Variants in SLC24A2 observed in about 807,000 individuals in gnomAD.
The protein encoded by SLC24A2 is solute carrier family 24 member 2, also known as sodium/potassium/calcium exchanger 2.
SLC24A2 carries 36 observed loss-of-function variants against 62.0 expected under a neutral mutation model. The observed-to-expected ratio is 0.58, with a 90% CI of 0.44 to 0.77. The LOEUF (loss-of-function observed/expected upper bound fraction) is 0.77. Ranked by LOEUF, SLC24A2 falls within the 30% of genes least tolerant of loss-of-function variation. The probability of loss-of-function intolerance (pLI) is 0.00; values close to 1 mark genes in which losing one functional copy is unlikely to be tolerated. For missense variants in SLC24A2, 846 were observed against 817.9 expected (o/e 1.03, Z -0.42); for synonymous variants, 358 against 294.0 (o/e 1.22, Z -2.23).
At chr9:20,300,851 T>C in the SLC24A2 span, among the ~76,000 whole-genome samples, 4 of 152,230 alleles carry the variant, frequency 2.6e-5, no homozygotes, top group Non-Finnish European at 5.9e-5. Context: ...ACAGATAATA[T>C]AAAGTGCTGG....
chr9:19,651,149 G>A (rs1366163139), intron 2 of SLC24A2, among the ~76,000 whole-genome samples: 1 of 152,124 alleles, frequency 6.6e-6, no homozygotes, highest in Non-Finnish European at 1.5e-5. Context: ...GTTATCCTAT[G>A]GTATGCAAGA....
chr9:20,292,744 C>A, the SLC24A2 span, among the ~76,000 whole-genome samples: 3 of 152,206 alleles, frequency 2.0e-5, no homozygotes, highest in South Asian at 2.1e-4. Context: ...CATGCACCAC[C>A]AAGCCCAGGT....
chr9:19,546,946 C>T (rs1296497275), intron 8 of SLC24A2, among the ~76,000 whole-genome samples: 1 of 152,134 alleles, frequency 6.6e-6, no homozygotes, highest in Non-Finnish European at 1.5e-5. Flanking sequence ...AGAGAATTTC[C>T]TGACCCCTTG....
the SLC24A2 span, among the ~76,000 whole-genome samples, chr9:20,180,610 G>T: frequency 3.9e-5 from 6 of 152,088 alleles, no homozygotes; most frequent in African/African-American, 1.4e-4. Context: ...ATGGCTGAAT[G>T]ATCACATTTA....
chr9:19,570,140 A>T (rs140477699), intron 7 of SLC24A2, among the ~76,000 whole-genome samples: 3 of 152,320 alleles, frequency 2.0e-5, no homozygotes, highest in African/African-American at 7.2e-5. Flanking sequence ...AAACAATCAA[A>T]ATTTTCTGAT....
the SLC24A2 span, among the ~76,000 whole-genome samples, chr9:20,244,034 G>C: frequency 6.6e-6 from 1 of 152,278 alleles, no homozygotes; most frequent in South Asian, 2.1e-4. Context: ...AAACTGCGCT[G>C]GCTTCAGCAG....
chr9:19,866,557 G>C, the SLC24A2 span, among the ~76,000 whole-genome samples: 2 of 150,964 alleles, frequency 1.3e-5, no homozygotes, highest in African/African-American at 2.4e-5. Context: ...CAACAACATG[G>C]ATGAAAGTGG....
chr9:20,023,841 T>C, the SLC24A2 span, among the ~76,000 whole-genome samples: 2 of 152,128 alleles, frequency 1.3e-5, no homozygotes, highest in East Asian at 1.9e-4. Flanking sequence ...GTTCCAAAAC[T>C]GATGGTTTTA....
chr9:20,255,808 C>G, the SLC24A2 span, among the ~76,000 whole-genome samples: 11 of 152,302 alleles, frequency 7.2e-5, no homozygotes, highest in African/African-American at 2.6e-4. Flanking sequence ...TCAAAGAATT[C>G]ATGGTCATAC....
the SLC24A2 span, among the ~76,000 whole-genome samples, chr9:20,083,101 A>G: frequency 6.6e-6 from 1 of 152,240 alleles, no homozygotes; most frequent in East Asian, 1.9e-4. Context: ...CACATGATTC[A>G]ATGAGGAATT....
At chr9:20,074,638 G>A in the SLC24A2 span, among the ~76,000 whole-genome samples, 2 of 139,830 alleles carry the variant, frequency 1.4e-5, no homozygotes, top group Non-Finnish European at 3.1e-5. Flanking sequence ...AGGGAGGGAC[G>A]GGAAGGGGGT....
the SLC24A2 span, among the ~76,000 whole-genome samples, chr9:19,881,558 C>T: frequency 4.6e-5 from 7 of 152,156 alleles, 1 homozygote; most frequent in Admixed American, 4.6e-4. Context: ...TAAGGAACCC[C>T]CACTATGACA....
At chr9:20,079,079 T>G in the SLC24A2 span, among the ~76,000 whole-genome samples, 1 of 152,134 alleles carries the variant, frequency 6.6e-6, no homozygotes, top group Non-Finnish European at 1.5e-5. Flanking sequence ...ATCCTGATTA[T>G]CCAGGTGGGC....
chr9:19,761,733 T>C (rs901141438), intron 2 of SLC24A2, among the ~76,000 whole-genome samples: 1 of 152,082 alleles, frequency 6.6e-6, no homozygotes, highest in Admixed American at 6.6e-5. Context: ...CATGCGGTGT[T>C]TGGTTTTTTG....
At chr9:20,248,671 G>A in the SLC24A2 span, among the ~76,000 whole-genome samples, 1 of 152,108 alleles carries the variant, frequency 6.6e-6, no homozygotes, top group African/African-American at 2.4e-5. Context: ...ATATGAATTT[G>A]GGGGGCCACA....
At chr9:19,742,821 G>C (rs770394100) in intron 2 of SLC24A2, among the ~76,000 whole-genome samples, 1 of 152,090 alleles carries the variant, frequency 6.6e-6, no homozygotes, top group Non-Finnish European at 1.5e-5. Flanking sequence ...AGGACATCTG[G>C]ATCAACTGGA....
the SLC24A2 span, among the ~76,000 whole-genome samples, chr9:20,270,093 A>T: frequency 6.6e-6 from 1 of 152,164 alleles, no homozygotes; most frequent in South Asian, 2.1e-4. Context: ...TCTAGCAGGA[A>T]ATAATCCATT....
chr9:19,715,075 GTAA>G (rs935013726), intron 2 of SLC24A2, among the ~76,000 whole-genome samples: 335 of 151,754 alleles, frequency 2.2e-3, no homozygotes, highest in African/African-American at 7.1e-3. Context: ...ACCAAACACC[GTAA>G]TAATAATAAT....
chr9:19,645,391 T>A (rs1818612944), intron 2 of SLC24A2, among the ~76,000 whole-genome samples: 1 of 152,226 alleles, frequency 6.6e-6, no homozygotes, highest in Admixed American at 6.5e-5. Context: ...CAACTAATAT[T>A]CGGGGCTATG....
Sources: gnomAD v4.1 joint callset for allele counts (sites outside exome capture counted in the v4.1 genomes callset) on GRCh38, gnomAD v4.1.1 for gene constraint, MANE v1.5 for transcripts, NCBI Gene and HGNC (gene_info 2026-07-23, HGNC 2026-07-21) for gene names.